IGSF9: variants seen among roughly 807,000 people sequenced by gnomAD.
IGSF9 encodes the protein protein turtle homolog A.
In IGSF9, 87 loss-of-function variants were observed where a neutral mutation model predicts 121.7. The ratio of observed to expected loss-of-function variants is 0.71; its 90% confidence interval spans 0.60 to 0.85. IGSF9 has a LOEUF of 0.85. IGSF9 is among the 40% of genes least tolerant of loss of function. IGSF9 has a pLI of 0.00. For missense variants in IGSF9, 1,462 were observed against 1,565.3 expected (o/e 0.93, Z 1.11); for synonymous variants, 640 against 648.4 (o/e 0.99, Z 0.20).
In IGSF9 at chr1:159,943,044, C is replaced by G; in HGVS notation, c.166G>C (p.Glu56Gln). Reference protein sequence around the residue: ...PAGRPPLHVIEWLRFGFLLPI... With the variant: ...PAGRPPLHVIQWLRFGFLLPI... Reference sequence around the variant, plus strand: ...AGCAGGAATCCAAAGCGCAGCCACTCGATGACATGCAGGGGGGGCCGGCCG... The same window carrying G: ...AGCAGGAATCCAAAGCGCAGCCACTGGATGACATGCAGGGGGGGCCGGCCG... Residue 56 changes from glutamate (E) to glutamine (Q), a missense_variant, in exon 3 of 21, where the codon GAG (glutamate) becomes CAG (glutamine). Physicochemically the swap from Glu to Gln is conservative, Grantham distance 29 (BLOSUM62 2). Coordinates refer to ENST00000368094, the MANE Select transcript of IGSF9 (RefSeq NM_001135050.2). 5.0e-6 allele frequency: 8 copies of G among 1,613,240 alleles called. No homozygotes were observed. Among genetic ancestry groups the G allele is most frequent in the Non-Finnish European group, 5.9e-6 (7 of 1,179,642 alleles).
rs986135949 is a variant in IGSF9, at chr1:159,929,244, T to C, written c.2369+107A>G. The stretch of plus-strand genomic sequence containing the variant: ...TCTTACCCTCTCCCACTTTTGTTCC[T>C]CCCCAACACCCAACATCCCCCTGGT... On this transcript the variant is annotated intron_variant, in intron 18 of 20. Transcript: ENST00000368094. The C allele has an allele frequency of 4.8e-5, 70 of 1,449,320 alleles. No individual in the cohort carries two copies. The African/African-American group carries it at 9.5e-4, about 20-fold the overall frequency. 89.8% of individuals were successfully genotyped at this position (1,449,320 alleles called of 1,614,324 possible).
At chr1:159,936,537 G>A (rs1190291134) in intron 5 of IGSF9, 21 bp from the exon 6 acceptor site, 2 of 1,608,750 alleles carry the variant, frequency 1.2e-6, no homozygotes, top group African/African-American at 1.3e-5. Flanking sequence ...AGTGGGTGAG[G>A]AAGAGTCCTT....
At chr1:159,942,879 G>C (rs1413857574) in intron 3 of IGSF9, 84 bp downstream of exon 3, 2 of 1,137,468 alleles carry the variant, frequency 1.8e-6, no homozygotes, top group Non-Finnish European at 2.6e-6. Flanking sequence ...GGACAAAGCC[G>C]TTCATAGGAG....
Position 159,943,092 on chromosome 1 carries a change from C to G in IGSF9, c.118G>C (p.Gly40Arg), listed in dbSNP as rs766943352. 65 of 1,612,092 alleles carry G rather than the reference C, an allele frequency of 4.0e-5. No individual in the cohort carries two copies. Among genetic ancestry groups the G allele is most frequent in the Non-Finnish European group, 5.3e-5 (63 of 1,179,312 alleles). Reference sequence around the variant, plus strand: ...CCGGCCGGGGGCAGCAGGTCACAGCCCAGCACCACACTCTCCCCAGCCCGG... The same window carrying G: ...CCGGCCGGGGGCAGCAGGTCACAGCGCAGCACCACACTCTCCCCAGCCCGG... ...VGRAGESVVL[G>R]CDLLPPAGRP... The change falls in exon 3 of 21, where the codon GGC becomes CGC. Residue 40 changes from glycine (G) to arginine (R), a missense_variant. This residue lies in a region of IGSF9 where 558 missense variants were observed against 599.4 expected (regional missense o/e 0.93). Transcript: ENST00000368094.
rs1176435845 is a variant in IGSF9 at position 159,928,529 on chromosome 1, T to TG, written c.2858dup (p.Asp954ArgfsTer48). ...GACAGCGCCGGGTATCCATGTAATC[T>TG]GGGGGTGCAGCAGGGCTGGGCTCCT... On this transcript the variant is annotated frameshift_variant, in exon 19 of 21. Transcript: ENST00000368094. LOFTEE classifies it high-confidence loss of function. 1.9e-6 allele frequency: 3 copies of TG among 1,560,470 alleles called. No individual in the cohort carries two copies. The Admixed American group carries it at 5.7e-5, about 29-fold the overall frequency.
intron 3 of IGSF9, among the ~76,000 whole-genome samples, chr1:159,941,612 G>A (rs1651383640): frequency 6.6e-6 from 1 of 152,246 alleles, no homozygotes; most frequent in South Asian, 2.1e-4. Flanking sequence ...GACACAAGCT[G>A]GAGAGAAGGA....
intron 19 of IGSF9, 70 bp downstream of exon 19, chr1:159,928,088 A>G: frequency 6.4e-7 from 1 of 1,551,682 alleles, no homozygotes; most frequent in African/African-American, 1.4e-5. Flanking sequence ...GGTGCAGGGT[A>G]TTGGGAGAGG....
chr1:159,928,347 G>A lies in IGSF9; in HGVS notation c.3041C>T (p.Pro1014Leu), dbSNP rs1650827120. 3.1e-6 allele frequency: 5 copies of A among 1,609,850 alleles called. No individual in the cohort carries two copies. The highest frequency in any genetic ancestry group is 3.4e-6 in the Non-Finnish European group (4 of 1,178,246). ...LRERLLPGLL[P>L]AAPRGSLTSQ... ...GGTGAGGCTGCCTCGAGGGGCAGCA[G>A]GGAGAAGGCCTGGCAGCAGCCGCTC... The change falls in exon 19 of 21, where the codon CCT becomes CTT. Residue 1014 changes from proline to leucine, a missense_variant. Transcript: ENST00000368094.
In IGSF9 at chr1:159,929,891, C is replaced by T. The variant is rs1211370190; in HGVS notation, c.2149G>A (p.Gly717Ser). ...CTCCTCCCTCACGCCAGGTGCTCAC[C>T]GGAAGTGGAGACGTTGGCCGTGTTG... is the stretch of plus-strand genomic sequence containing the variant. ...PSNTANVSTSGLEVYPSRTQL... is the reference protein window; with the variant it reads ...PSNTANVSTSSLEVYPSRTQL... The change falls in exon 16 of 21, where the codon GGT becomes AGT. Residue 717 changes from glycine (G) to serine (S), a missense_variant and splice_region_variant. Around this residue, in one of 3 missense-constraint regions of IGSF9, gnomAD observed 808 missense variants for 815.2 expected, o/e 0.99. Transcript: ENST00000368094. 1.3e-6 allele frequency: 2 copies of T among 1,575,472 alleles called. No individual in the cohort carries two copies. Among genetic ancestry groups the T allele is most frequent in the Admixed American group, 1.9e-5 (1 of 53,964 alleles).
At chr1:159,929,128 C>T (rs1650876190) in intron 18 of IGSF9, 110 bp from the exon 19 acceptor site, 3 of 1,418,816 alleles carry the variant, frequency 2.1e-6, no homozygotes, top group Non-Finnish European at 1.9e-6. Flanking sequence ...CTAGGAAGAA[C>T]AAGCGAGGAA....
chr1:159,929,841 C>G, intron 16 of IGSF9, 27 bp from the exon 17 acceptor site: 2 of 1,594,968 alleles, frequency 1.3e-6, no homozygotes, highest in Non-Finnish European at 1.7e-6. Context: ...GAGGGAGGGT[C>G]AGTGGACTCG....
chr1:159,942,049 A>G (rs1314965614), intron 3 of IGSF9, among the ~76,000 whole-genome samples: 1 of 152,240 alleles, frequency 6.6e-6, no homozygotes, highest in Non-Finnish European at 1.5e-5. Context: ...TCTCCCCATC[A>G]ACATCCTCCC....
chr1:159,933,173 G>C, intron 9 of IGSF9: 1 of 153,698 alleles, frequency 6.5e-6, no homozygotes, highest in Admixed American at 6.4e-5. Context: ...CTGTAAATCA[G>C]ACTCCATAAC....
intron 17 of IGSF9, 119 bp from the exon 18 acceptor site, chr1:159,929,512 C>G: frequency 1.3e-6 from 2 of 1,487,404 alleles, no homozygotes; most frequent in South Asian, 1.2e-5. Context: ...GTAGGCAGGA[C>G]CAGATGCAGG....
intron 13 of IGSF9, 93 bp from the exon 14 acceptor site, chr1:159,930,960 C>T: frequency 1.4e-6 from 2 of 1,440,030 alleles, no homozygotes; most frequent in Admixed American, 4.8e-5. Flanking sequence ...CTCTGCTCAA[C>T]CATCCAAGGT....
Position 159,932,547 on chromosome 1 carries a change from C to A in IGSF9, c.1210G>T (p.Ala404Ser). The A allele has an allele frequency of 6.2e-7, 1 of 1,614,036 alleles. No homozygotes were observed. Among genetic ancestry groups the A allele is most frequent in the Non-Finnish European group, 8.5e-7 (1 of 1,179,978 alleles). The change falls in exon 10 of 21, where the codon GCC becomes TCC. Residue 404 changes from alanine (A) to serine (S), a missense_variant. Physicochemically the swap from Ala to Ser is moderately conservative, Grantham distance 99. This residue lies in a region of IGSF9 where 558 missense variants were observed against 599.4 expected (regional missense o/e 0.93). Transcript: ENST00000368094. The surrounding 1 kb of genome is among the most constrained non-coding windows in gnomAD (Gnocchi z 4.1). ...SCTPYNSLGT[A>S]GPSPVTRVLL... ...ACGCGGGTCACAGGAGAGGGCCCGG[C>A]GGTACCAAGACTGTTGTAGGGGGTG...
rs1347253161 is a variant in IGSF9, at chr1:159,927,411, A to G, written c.3474T>C (p.Ala1158=). ...GATAGGCTGGTAGCCGAGCCCTAGT[A>G]GCATCTCGGCGGCGGCGGAAGGCCA... The part of the protein sequence containing the change: ...EFLAFRRRRD[A]TRARLPAYRQ... The change falls in exon 21 of 21, where the codon GCT becomes GCC. Residue 1158 remains alanine, a synonymous_variant. Transcript: ENST00000368094. The G allele has an allele frequency of 1.2e-6, 2 of 1,613,940 alleles. No individual in the cohort carries two copies. Among genetic ancestry groups the G allele is most frequent in the African/African-American group, 1.3e-5 (1 of 75,004 alleles).
Position 159,930,283 on chromosome 1 carries a change from A to T in IGSF9, c.1970T>A (p.Val657Asp). ...CTGGGAGCCTTGCCGGCCTTCCAAG[A>T]CGTAGCCATCCAGTCTCTTAGGGAC... ...ELVPKRLDGYVLEGRQGSQGW... is the reference protein window; with the variant it reads ...ELVPKRLDGYDLEGRQGSQGW... The change falls in exon 15 of 21, where the codon GTC (valine) becomes GAC (aspartate). Residue 657 changes from valine to aspartate, a missense_variant. Val to Asp is a radical substitution (Grantham distance 152, BLOSUM62 -3). Transcript: ENST00000368094. The T allele has an allele frequency of 2.5e-6, 4 of 1,613,586 alleles. No homozygotes were observed. Among genetic ancestry groups the T allele is most frequent in the Non-Finnish European group, 3.4e-6 (4 of 1,179,832 alleles).
chr1:159,937,578 G>A (rs570230715), intron 4 of IGSF9, 108 bp downstream of exon 4: 55 of 1,314,446 alleles, frequency 4.2e-5, no homozygotes, highest in Non-Finnish European at 4.6e-5. Context: ...CATCAGAGCT[G>A]TTTGTGGGAT....
Sources: gnomAD v4.1 joint callset for allele counts (sites outside exome capture counted in the v4.1 genomes callset) on GRCh38, gnomAD v4.1.1 for gene constraint, gnomAD v4.1.1 regional missense constraint, Gnocchi (gnomAD v3.1) non-coding constraint, MANE v1.5 for transcripts, NCBI Gene and HGNC (gene_info 2026-07-23, HGNC 2026-07-21) for gene names.